SPEF2: variants seen among roughly 807,000 people sequenced by gnomAD.
SPEF2 encodes sperm flagellar and cilia associated 2, also known as sperm flagella and cilia-associated protein 2.
Under a neutral mutation model 224.6 loss-of-function variants are expected in SPEF2, and 187 were observed. That is an observed-to-expected ratio of 0.83 (90% CI 0.74 to 0.94). SPEF2 has a LOEUF of 0.94. SPEF2 is among the 40% of genes least tolerant of loss of function. SPEF2 has a pLI of 0.00. For synonymous variants in SPEF2, 715 were observed against 707.3 expected (o/e 1.01, Z -0.17); for missense variants, 2,170 against 2,135.6 (o/e 1.02, Z -0.32).
chr5:35,762,769 T>C (rs1171682765), intron 25 of SPEF2, among the ~76,000 whole-genome samples: 1 of 152,134 alleles, frequency 6.6e-6, no homozygotes, highest in Non-Finnish European at 1.5e-5. Flanking sequence ...TCCCTGCTTC[T>C]GTTAACCTTT....
chr5:35,668,294 C>T (rs1446243353), intron 9 of SPEF2, among the ~76,000 whole-genome samples: 1 of 152,066 alleles, frequency 6.6e-6, no homozygotes, highest in Admixed American at 6.6e-5. Context: ...TGTGATACAT[C>T]CGTATCATGG....
chr5:35,780,745 CAT>C (rs958341544), intron 30 of SPEF2, among the ~76,000 whole-genome samples: 17 of 151,982 alleles, frequency 1.1e-4, no homozygotes, highest in African/African-American at 3.6e-4. Flanking sequence ...CTAAACATGA[CAT>C]GTGGTTTGCT....
At chr5:35,807,972 C>T in intron 36 of SPEF2, 1 of 1,361,654 alleles carries the variant, frequency 7.3e-7, no homozygotes, top group Non-Finnish European at 9.5e-7. Context: ...CTGTTTGACT[C>T]CTGTGAGTTG....
chr5:35,653,772 C>G (rs1748534121), intron 6 of SPEF2, among the ~76,000 whole-genome samples: 1 of 151,464 alleles, frequency 6.6e-6, no homozygotes, highest in Non-Finnish European at 1.5e-5. Flanking sequence ...TGGTGAAACC[C>G]CTGTCTCTAC....
At chr5:35,751,036 C>CGTATATATAT (rs1249591349) in intron 23 of SPEF2, among the ~76,000 whole-genome samples, 7 of 26,630 alleles carry the variant, frequency 2.6e-4, no homozygotes, top group Admixed American at 5.1e-4. Flanking sequence ...TATATATATA[C>CGTATATATAT]ACATATGTAT....
chr5:35,719,720 CA>C (rs1404598000), intron 20 of SPEF2, among the ~76,000 whole-genome samples: 1 of 152,114 alleles, frequency 6.6e-6, no homozygotes, highest in Non-Finnish European at 1.5e-5. Context: ...CTCCCAGGCT[CA>C]AGCGATTCTC....
At chr5:35,705,991 TTTC>T (rs1739678719) in intron 18 of SPEF2, among the ~76,000 whole-genome samples, 183 bp downstream of exon 18, 1 of 151,650 alleles carries the variant, frequency 6.6e-6, no homozygotes, top group African/African-American at 2.4e-5. Flanking sequence ...TAAAAGATTT[TTTC>T]TCTCTCTTAT....
In SPEF2 at chr5:35,753,660, C is replaced by G. The variant is rs535831877; in HGVS notation, c.3367C>G (p.Arg1123Gly). ...RDRLWDICDA[R>G]KEEAEQERLD... ...CCGCCTGTGGGACATTTGTGATGCC[C>G]GGAAGGAAGAGGCGGAGCAGGAGCG... The change falls in exon 24 of 37, where the codon CGG (arginine) becomes GGG (glycine). Residue 1123 changes from arginine to glycine, a missense_variant. By Grantham distance (125) the Arg-to-Gly change is moderately radical. Coordinates refer to ENST00000356031, the MANE Select transcript of SPEF2 (RefSeq NM_024867.4). 6.8e-5 allele frequency: 110 copies of G among 1,613,942 alleles called. 1 individual carries two copies. The Admixed American group carries it at 1.5e-3, about 22-fold the overall frequency.
chr5:35,713,390 C>T (rs1465329286), intron 20 of SPEF2, among the ~76,000 whole-genome samples: 7 of 151,926 alleles, frequency 4.6e-5, no homozygotes, highest in Non-Finnish European at 8.8e-5. Context: ...TTTTTGAGAC[C>T]TGTCTACATT....
intron 20 of SPEF2, among the ~76,000 whole-genome samples, chr5:35,716,394 C>G (rs1054906733): frequency 6.6e-6 from 1 of 152,018 alleles, no homozygotes; most frequent in Non-Finnish European, 1.5e-5. Context: ...AATGAAGCAT[C>G]ATTATAGAAC....
At chr5:35,744,552 C>T (rs990781236) in intron 23 of SPEF2, among the ~76,000 whole-genome samples, 1 of 152,182 alleles carries the variant, frequency 6.6e-6, no homozygotes, top group African/African-American at 2.4e-5. Flanking sequence ...AAAGGTTTCA[C>T]ACTGAGTCCG....
At position 35,667,251 on chromosome 5, in the gene SPEF2, G is replaced by T; in HGVS notation, c.1347G>T (p.Leu449Phe). ...CTAAAGTGGCAGACTATCGAATGTT[G>T]ACAAATAAGTAAGTATTTTTTTTGT... The part of the protein sequence containing the change: ...LSTKVADYRM[L>F]TNNLIPYKLM... Residue 449 changes from leucine (L) to phenylalanine (F), a missense_variant, in exon 9 of 37, where the codon TTG becomes TTT. By Grantham distance (22) the Leu-to-Phe change is conservative. Coordinates refer to ENST00000356031, the MANE Select transcript of SPEF2 (RefSeq NM_024867.4). 6.3e-7 allele frequency: 1 copy of T among 1,594,488 alleles called. No homozygotes were observed. The highest frequency in any genetic ancestry group is 1.1e-5 in the South Asian group (1 of 87,428).
Position 35,806,716 on chromosome 5 carries a change from A to G in SPEF2, c.5020A>G (p.Thr1674Ala). Residue 1674 changes from threonine (T) to alanine (A), a missense_variant, in exon 35 of 37, where the codon ACT becomes GCT. Physicochemically the swap from Thr to Ala is moderately conservative, Grantham distance 58. Coordinates refer to ENST00000356031, the MANE Select transcript of SPEF2 (RefSeq NM_024867.4). ...TCATTTAACTTTGCAGACCTCCTCA[A>G]CTGATGCAGGTCCAGCTGAGGAATT... ...SIPSAEKTSS[T>A]DAGPAEEFPE... 1 of 1,612,706 alleles carries G rather than the reference A, an allele frequency of 6.2e-7. No homozygotes were observed. The highest frequency in any genetic ancestry group is 1.1e-5 in the South Asian group (1 of 90,826).
intron 20 of SPEF2, among the ~76,000 whole-genome samples, chr5:35,720,354 A>G (rs1028381804): frequency 6.6e-6 from 1 of 152,228 alleles, no homozygotes; most frequent in Admixed American, 6.5e-5. Flanking sequence ...CAGCTTTCTG[A>G]GTTCAGTCCA....
chr5:35,753,945 C>A (rs1461747970), intron 24 of SPEF2, among the ~76,000 whole-genome samples, 184 bp downstream of exon 24: 2 of 152,140 alleles, frequency 1.3e-5, no homozygotes, highest in Non-Finnish European at 2.9e-5. Flanking sequence ...TTTGACCCAG[C>A]CCAAATATGC....
intron 20 of SPEF2, among the ~76,000 whole-genome samples, chr5:35,720,899 A>G (rs938911368): frequency 1.3e-5 from 2 of 152,162 alleles, no homozygotes; most frequent in African/African-American, 2.4e-5. Context: ...TGATTTTGGG[A>G]AGCCTTTTAA....
intron 1 of SPEF2, among the ~76,000 whole-genome samples, chr5:35,618,401 T>C (rs1508651): frequency 0.14 from 21,855 of 152,066 alleles, 2,206 homozygotes; most frequent in East Asian, 0.45. Flanking sequence ...TTTGCTTCTG[T>C]GGAGAGGGAA....
chr5:35,717,773 G>T (rs573632720), intron 20 of SPEF2, among the ~76,000 whole-genome samples: 105 of 152,316 alleles, frequency 6.9e-4, no homozygotes, highest in Admixed American at 1.3e-3. Flanking sequence ...TTAGTGGGCA[G>T]GCTGGTTGGA....
chr5:35,798,509 C>T (rs1756991651), intron 33 of SPEF2, among the ~76,000 whole-genome samples: 1 of 152,200 alleles, frequency 6.6e-6, no homozygotes, highest in Non-Finnish European at 1.5e-5. Context: ...CTCAATCTTG[C>T]TGTCTAGCCC....
Sources: allele counts gnomAD v4.1 joint callset (sites outside exome capture counted in the v4.1 genomes callset), GRCh38; gene constraint gnomAD v4.1.1; transcripts MANE v1.5; gene names NCBI Gene and HGNC (gene_info 2026-07-23, HGNC 2026-07-21).